Variants in TECTA observed in about 807,000 individuals in gnomAD.
TECTA encodes the protein alpha-tectorin.
In TECTA, 128 loss-of-function variants were observed where a neutral mutation model predicts 216.8. That is an observed-to-expected ratio of 0.59 (90% CI 0.51 to 0.68). The LOEUF (loss-of-function observed/expected upper bound fraction) is 0.68. Ranked by LOEUF, TECTA falls within the 30% of genes least tolerant of loss-of-function variation. The probability of loss-of-function intolerance (pLI) is 0.00; values close to 1 mark genes in which losing one functional copy is unlikely to be tolerated. For synonymous variants in TECTA, 1,089 were observed against 1,117.1 expected (o/e 0.97, Z 0.50); for missense variants, 2,551 against 2,786.2 (o/e 0.92, Z 1.90).
intron 8 of TECTA, 111 bp downstream of exon 8, chr11:121,125,983 G>A (rs913507826): frequency 1.1e-5 from 15 of 1,309,974 alleles, no homozygotes; most frequent in South Asian, 7.5e-5. Context: ...AAGAATGAGG[G>A]GGAGGTTGAA....
intron 18 of TECTA, 21 bp from the exon 19 acceptor site, chr11:121,168,026 CGATTTCT>C (rs771080903): frequency 9.3e-6 from 15 of 1,613,848 alleles, no homozygotes; most frequent in Non-Finnish European, 1.3e-5. Context: ...CCAGATGTAA[CGATTTCT>C]GACTTCCCCT....
At chr11:121,102,644 A>G (rs1209414729) in intron 1 of TECTA, 21 bp from the exon 2 acceptor site, 1 of 1,603,860 alleles carries the variant, frequency 6.2e-7, no homozygotes. Flanking sequence ...TTTTTTTTTC[A>G]TTTTCTTTTT....
In TECTA at chr11:121,166,663, C is replaced by T. The variant is rs545806024; in HGVS notation, c.5469C>T (p.Leu1823=). The change falls in exon 18 of 24, where the codon CTC becomes CTT. Residue 1823 remains leucine (L), a synonymous_variant. Coordinates refer to ENST00000392793, the MANE Select transcript of TECTA (RefSeq NM_005422.4). ...VSISKCKLFQ[L]GFEREGVRIN... is the part of the protein sequence containing the mutation. ...TATCTAAGTGCAAGCTCTTCCAGCT[C>T]GGTTTTGAGAGGGAGGGCGTGAGGA... The T allele has an allele frequency of 1.4e-5, 22 of 1,614,176 alleles. No homozygotes were observed. Among genetic ancestry groups the T allele is most frequent in the Middle Eastern group, 1.6e-4 (1 of 6,062 alleles).
At chr11:121,165,437 T>A in intron 17 of TECTA, 54 bp downstream of exon 17, 4 of 1,456,280 alleles carry the variant, frequency 2.7e-6, no homozygotes, top group Non-Finnish European at 3.8e-6. Context: ...GAGATGCTGC[T>A]CTGGGGAACG....
chr11:121,131,193 G>A (rs112026726), intron 10 of TECTA, among the ~76,000 whole-genome samples: 65 of 109,924 alleles, frequency 5.9e-4, no homozygotes, highest in Non-Finnish European at 8.4e-4. Context: ...CAGCCTGGGC[G>A]ACAGAGCAAG....
intron 15 of TECTA, 91 bp from the exon 16 acceptor site, chr11:121,161,984 T>C (rs1947004361): frequency 6.4e-7 from 1 of 1,555,352 alleles, no homozygotes; most frequent in African/African-American, 1.4e-5. Flanking sequence ...CACAATGCAC[T>C]AGCTTCAGGG....
In TECTA at chr11:121,190,688, G is replaced by A; in HGVS notation, c.6368-18G>A. ...TTTTTCCCCCCATAGGGCTTACTGT[G>A]TTCCTCTCTGTTTACAGCCTCTAAT... On this transcript the variant is annotated intron_variant, in intron 23 of 23. Transcript: ENST00000392793. 6 of 1,593,920 alleles carry A rather than the reference G, an allele frequency of 3.8e-6. No individual in the cohort carries two copies. Among genetic ancestry groups the A allele is most frequent in the South Asian group, 1.1e-5 (1 of 90,612 alleles).
chr11:121,137,610 A>G lies in TECTA; in HGVS notation c.3131A>G (p.Gln1044Arg). 3 of 1,613,930 alleles carry G rather than the reference A, an allele frequency of 1.9e-6. No homozygotes were observed. The highest frequency in any genetic ancestry group is 2.5e-6 in the Non-Finnish European group (3 of 1,179,992). ...SECGCNFEGHQLATNETFWVD... is the reference protein window; with the variant it reads ...SECGCNFEGHRLATNETFWVD... ...TGTGGCTGCAACTTTGAGGGGCACC[A>G]ACTTGCCACCAATGAGACCTTCTGG... The change falls in exon 11 of 24, where the codon CAA becomes CGA. Residue 1044 changes from glutamine to arginine, a missense_variant. By Grantham distance (43) the Gln-to-Arg change is conservative (BLOSUM62 1). Around this residue, in one of 3 missense-constraint regions of TECTA, gnomAD observed 2,375 missense variants for 2,563.9 expected, o/e 0.93. Coordinates refer to ENST00000392793, the MANE Select transcript of TECTA (RefSeq NM_005422.4).
intron 20 of TECTA, among the ~76,000 whole-genome samples, chr11:121,179,686 A>C (rs1257703853): frequency 6.6e-6 from 1 of 152,010 alleles, no homozygotes; most frequent in Non-Finnish European, 1.5e-5. Context: ...TTTGCTTTAC[A>C]TATTTGGGTG....
intron 3 of TECTA, among the ~76,000 whole-genome samples, chr11:121,108,545 TACAC>T (rs1946412086): frequency 3.0e-5 from 3 of 98,868 alleles, no homozygotes; most frequent in African/African-American, 1.2e-4. Flanking sequence ...CACACACACA[TACAC>T]ACCACCCCCA....
intron 10 of TECTA, among the ~76,000 whole-genome samples, chr11:121,135,598 A>G (rs140407698): frequency 3.3e-5 from 5 of 152,350 alleles, no homozygotes; most frequent in African/African-American, 7.2e-5. Context: ...CGCAGAGGAA[A>G]AAATGATTGG....
Position 121,127,608 on chromosome 11 carries a change from C to A in TECTA, c.1775-144C>A, listed in dbSNP as rs56192753. On this transcript the variant is annotated intron_variant, in intron 8 of 23. Transcript: ENST00000392793. This position sits in a 1 kb window ranked among gnomAD's most constrained non-coding sequence, Gnocchi z 5.0. Reference sequence around the variant, plus strand: ...GTCATTGAGCTGGGTTTTACAGATACAACCTCAATTCTGTCTTCCCCGAGT... The same window carrying A: ...GTCATTGAGCTGGGTTTTACAGATAAAACCTCAATTCTGTCTTCCCCGAGT... 1.1e-5 allele frequency: 10 copies of A among 875,616 alleles called. No homozygotes were observed. Among genetic ancestry groups the A allele is most frequent in the African/African-American group, 9.9e-5 (6 of 60,848 alleles). 54.2% of individuals were successfully genotyped at this position (875,616 alleles called of 1,614,324 possible).
Position 121,122,815 on chromosome 11 carries a change from T to C in TECTA, c.1204-2487T>C, listed in dbSNP as rs200460829. ...CTGCAGTGAGCCACGTTTGTGCCAC[T>C]GCACTCCAGCCTGGGAGACAGAGCA... is the stretch of plus-strand genomic sequence containing the variant. On this transcript the variant is annotated intron_variant, in intron 7 of 23. Transcript: ENST00000392793. Among the ~76,000 whole-genome samples the C allele has an allele frequency of 5.0e-4, 75 of 150,866 alleles. 2 individuals carry two copies. The East Asian group carries it at 8.4e-3, about 17-fold the overall frequency.
chr11:121,123,189 G>A (rs899399895), intron 7 of TECTA, among the ~76,000 whole-genome samples: 11 of 152,164 alleles, frequency 7.2e-5, no homozygotes, highest in African/African-American at 1.2e-4. Context: ...CAAGCCCACC[G>A]AGGACTGTTC....
chr11:121,180,500 G>A (rs1165183341), intron 20 of TECTA, among the ~76,000 whole-genome samples: 1 of 152,080 alleles, frequency 6.6e-6, no homozygotes, highest in Admixed American at 6.6e-5. Context: ...GTCTGATGGG[G>A]TTCTATTATA....
At chr11:121,189,496 C>G (rs989946309) in intron 22 of TECTA, among the ~76,000 whole-genome samples, 1 of 152,076 alleles carries the variant, frequency 6.6e-6, no homozygotes, top group Non-Finnish European at 1.5e-5. Context: ...GCCTCAGCCT[C>G]CCGAGTAGCT....
At chr11:121,125,132 T>TC (rs1946595116) in intron 7 of TECTA, among the ~76,000 whole-genome samples, 170 bp from the exon 8 acceptor site, 2 of 152,296 alleles carry the variant, frequency 1.3e-5, no homozygotes, top group South Asian at 4.1e-4. Context: ...TCTCTCCATT[T>TC]CCCCCCCGGC....
intron 2 of TECTA, among the ~76,000 whole-genome samples, chr11:121,104,098 A>C (rs1946370400): frequency 6.6e-6 from 1 of 152,192 alleles, no homozygotes; most frequent in South Asian, 2.1e-4. Flanking sequence ...AGATGATGAT[A>C]ATTCAGTGTG....
intron 20 of TECTA, among the ~76,000 whole-genome samples, chr11:121,175,451 C>T (rs991140612): frequency 1.3e-5 from 2 of 152,116 alleles, no homozygotes; most frequent in Non-Finnish European, 2.9e-5. Context: ...TCGTTTTGTA[C>T]CCATAGTCGT....
Sources: gnomAD v4.1 joint callset for allele counts (sites outside exome capture counted in the v4.1 genomes callset) on GRCh38, gnomAD v4.1.1 for gene constraint, gnomAD v4.1.1 regional missense constraint, Gnocchi (gnomAD v3.1) non-coding constraint, MANE v1.5 for transcripts, NCBI Gene and HGNC (gene_info 2026-07-23, HGNC 2026-07-21) for gene names.